The following NOPCHAP1 variants were observed in gnomAD, a reference collection of about 807,000 sequenced individuals.
The protein encoded by NOPCHAP1 is DNA damage-sensitive RNA 1.
In NOPCHAP1, 13 loss-of-function variants were observed where a neutral mutation model predicts 14.0. That is an observed-to-expected ratio of 0.93 (90% CI 0.60 to 1.47). NOPCHAP1 has a LOEUF of 1.47. NOPCHAP1 is among the 40% of genes most tolerant of loss of function. NOPCHAP1 has a pLI of 0.00. For synonymous variants in NOPCHAP1, 78 were observed against 78.4 expected, an observed-to-expected ratio of 1.00 and a Z score of 0.03; for missense variants, 230 against 226.9, an observed-to-expected ratio of 1.01 and a Z score of -0.09.
chr12:104,988,708 CTT>C (rs1361273463), intron 2 of NOPCHAP1, among the ~76,000 whole-genome samples: 4 of 152,116 alleles, frequency 2.6e-5, no homozygotes, highest in Non-Finnish European at 5.9e-5. Flanking sequence ...CACACTCAGA[CTT>C]TATTACACGA....
In NOPCHAP1 at chr12:105,005,107, A is replaced by G. The variant is rs897039169; in HGVS notation, c.*10411A>G. 5.9e-5 allele frequency: 9 copies of G among 152,060 alleles called. No individual in the cohort carries two copies. Among genetic ancestry groups the G allele is most frequent in the African/African-American group, 2.2e-4 (9 of 41,388 alleles). The allele number at this position is 152,060 out of a possible 1,614,324, so 9.4% of individuals were successfully genotyped here. On this transcript the variant is annotated 3_prime_UTR_variant, in exon 4 of 4. Coordinates refer to ENST00000552951, the MANE Select transcript of NOPCHAP1 (RefSeq NM_152318.3). ...GAAGAGGTATAGAAGAAGAAGGCAT[A>G]CTCATTGTAACTTTATGGAAATACA...
In NOPCHAP1 at chr12:105,004,948, A is replaced by G. The variant is rs187145186; in HGVS notation, c.*10252A>G. 4.1e-4 allele frequency: 62 copies of G among 152,346 alleles called. No homozygotes were observed. The highest frequency in any genetic ancestry group is 1.4e-3 in the African/African-American group (60 of 41,574). 9.4% of individuals were successfully genotyped at this position (152,346 alleles called of 1,614,324 possible). ...AGTAAGCTACGGAAAAGAAAATATC[A>G]CTAAGGAAATCAGGAAGAGAAATAT... On this transcript the variant is annotated 3_prime_UTR_variant, in exon 4 of 4. Coordinates refer to ENST00000552951, the MANE Select transcript of NOPCHAP1 (RefSeq NM_152318.3).
At chr12:104,987,281 A>G (rs1043610681) in intron 1 of NOPCHAP1, among the ~76,000 whole-genome samples, 70 of 152,314 alleles carry the variant, frequency 4.6e-4, no homozygotes, top group African/African-American at 1.5e-3. Context: ...CCTCACAACA[A>G]CCCTTTGCAG....
Position 105,012,901 on chromosome 12 carries a change from C to T in NOPCHAP1, c.*18205C>T, listed in dbSNP as rs1873861768. 6.6e-6 allele frequency: 1 copy of T among 152,360 alleles called. No homozygotes were observed. Among genetic ancestry groups the T allele is most frequent in the Non-Finnish European group, 1.5e-5 (1 of 68,180 alleles). The allele number at this position is 152,360 out of a possible 1,614,324, so 9.4% of individuals were successfully genotyped here. A position where few individuals can be genotyped will look rare whatever the true frequency, so the allele number is the denominator to read the frequency against. ...CCCGCTAGATGCCAGCTGGAGATCTCCTGTGTGAGGTTTCTGTCAACCTCT... is the reference window on the plus strand; with the variant it reads ...CCCGCTAGATGCCAGCTGGAGATCTTCTGTGTGAGGTTTCTGTCAACCTCT... On this transcript the variant is annotated 3_prime_UTR_variant, in exon 4 of 4. Coordinates refer to ENST00000552951, the MANE Select transcript of NOPCHAP1 (RefSeq NM_152318.3).
At chr12:104,991,879 T>C (rs556385712) in intron 3 of NOPCHAP1, 31 bp downstream of exon 3, 1 of 1,573,768 alleles carries the variant, frequency 6.4e-7, no homozygotes, top group South Asian at 1.2e-5. Context: ...TATGGTGAAA[T>C]TACTGGTCTG....
intron 3 of NOPCHAP1, among the ~76,000 whole-genome samples, chr12:104,992,652 G>A (rs147908923): frequency 1.8e-4 from 28 of 152,272 alleles, no homozygotes; most frequent in East Asian, 1.7e-3. Flanking sequence ...GAAGCAGGTC[G>A]CACAGCAGGA....
rs1293546788 is a variant in NOPCHAP1 at position 104,998,298 on chromosome 12, C to G, written c.*3602C>G. On this transcript the variant is annotated 3_prime_UTR_variant, in exon 4 of 4. Coordinates refer to ENST00000552951, the MANE Select transcript of NOPCHAP1 (RefSeq NM_152318.3). ...GCTTTTGTCAGTTTTTGCACTGATT[C>G]TTTTTTATCTTTGTGGGCTCATGTC... 2.0e-5 allele frequency: 3 copies of G among 152,134 alleles called. No individual in the cohort carries two copies. Among genetic ancestry groups the G allele is most frequent in the African/African-American group, 7.2e-5 (3 of 41,424 alleles). The allele number at this position is 152,134 out of a possible 1,614,324, so 9.4% of individuals were successfully genotyped here.
At chr12:104,987,708 C>T (rs1873271487) in intron 1 of NOPCHAP1, among the ~76,000 whole-genome samples, 1 of 152,124 alleles carries the variant, frequency 6.6e-6, no homozygotes, top group African/African-American at 2.4e-5. Flanking sequence ...TTGGGTTGAA[C>T]GTCTTCAGGG....
chr12:104,991,785 T>C lies in NOPCHAP1; in HGVS notation c.276T>C (p.Ala92=). The change falls in exon 3 of 4, where the codon GCT becomes GCC. Residue 92 remains alanine (A), a synonymous_variant. Transcript: ENST00000552951. ...AAAAGCTAAGAAAAGAAATGGCAGC[T>C]GCACCACCTGGTCGTTTCAATATTG... ...ANEKLRKEMA[A]APPGRFNIEN... is the part of the protein sequence containing the mutation. The C allele has an allele frequency of 6.2e-7, 1 of 1,613,726 alleles. No individual in the cohort carries two copies. Among genetic ancestry groups the C allele is most frequent in the Middle Eastern group, 1.7e-4 (1 of 6,060 alleles).
At chr12:104,987,699 T>C (rs1316676937) in intron 1 of NOPCHAP1, among the ~76,000 whole-genome samples, 2 of 152,148 alleles carry the variant, frequency 1.3e-5, no homozygotes, top group East Asian at 3.8e-4. Context: ...CTGCTTTCCT[T>C]GGGTTGAACG....
rs1044781431 is a variant in NOPCHAP1, at chr12:105,012,057, T to C, written c.*17361T>C. 2.0e-5 allele frequency: 3 copies of C among 152,240 alleles called. No individual in the cohort carries two copies. Among genetic ancestry groups the C allele is most frequent in the African/African-American group, 7.2e-5 (3 of 41,452 alleles). 9.4% of individuals were successfully genotyped at this position (152,240 alleles called of 1,614,324 possible). A position where few individuals can be genotyped will look rare whatever the true frequency, so the allele number is the denominator to read the frequency against. On this transcript the variant is annotated 3_prime_UTR_variant, in exon 4 of 4. Transcript: ENST00000552951. ...GGCCTGTCTTGCTAGGTTGGGGAAG[T>C]TCTCGTGGATAATATCCTGAAGAGT... is the stretch of plus-strand genomic sequence containing the variant.
chr12:104,997,300 A>C lies in NOPCHAP1; in HGVS notation c.*2604A>C, dbSNP rs1336719442. On this transcript the variant is annotated 3_prime_UTR_variant, in exon 4 of 4. Transcript: ENST00000552951. ...AGATCTGATGTTAACAAATTCCCTT[A>C]GCATTTGCCTGTCTGAAAAGGATCT... 1 of 152,182 alleles carries C rather than the reference A, an allele frequency of 6.6e-6. No individual in the cohort carries two copies. The highest frequency in any genetic ancestry group is 1.5e-5 in the Non-Finnish European group (1 of 68,042). 9.4% of individuals were successfully genotyped at this position (152,182 alleles called of 1,614,324 possible).
At position 105,001,891 on chromosome 12, in the gene NOPCHAP1, T is replaced by G. The variant is rs1873617904; in HGVS notation, c.*7195T>G. 6.6e-6 allele frequency: 1 copy of G among 152,214 alleles called. No individual in the cohort carries two copies. Among genetic ancestry groups the G allele is most frequent in the South Asian group, 2.1e-4 (1 of 4,824 alleles). 9.4% of individuals were successfully genotyped at this position (152,214 alleles called of 1,614,324 possible). A position where few individuals can be genotyped will look rare whatever the true frequency, so the allele number is the denominator to read the frequency against. On this transcript the variant is annotated 3_prime_UTR_variant, in exon 4 of 4. Coordinates refer to ENST00000552951, the MANE Select transcript of NOPCHAP1 (RefSeq NM_152318.3). ...TTTTGTTTTTCCATGTTTATTTCTT[T>G]TCTTTTTTTAATAGTACTTTGAGTT...
At position 105,004,872 on chromosome 12, in the gene NOPCHAP1, T is replaced by TAA. The variant is rs949305018; in HGVS notation, c.*10177_*10178dup. The TAA allele has an allele frequency of 6.6e-6, 1 of 152,200 alleles. No homozygotes were observed. The highest frequency in any genetic ancestry group is 2.4e-5 in the African/African-American group (1 of 41,450). The allele number at this position is 152,200 out of a possible 1,614,324, so 9.4% of individuals were successfully genotyped here. A position where few individuals can be genotyped will look rare whatever the true frequency, so the allele number is the denominator to read the frequency against. ...GAAGCCTTAGTGAAACATAAATAGT[T>TAA]AACACATATTGTATATGTTATATGT... On this transcript the variant is annotated 3_prime_UTR_variant, in exon 4 of 4. Coordinates refer to ENST00000552951, the MANE Select transcript of NOPCHAP1 (RefSeq NM_152318.3).
rs1019196859 is a variant in NOPCHAP1, at chr12:105,014,170, C to A, written c.*19474C>A. The A allele has an allele frequency of 2.0e-5, 3 of 152,158 alleles. No individual in the cohort carries two copies. In the East Asian group the frequency reaches 5.8e-4, roughly 29 times the overall value. 9.4% of individuals were successfully genotyped at this position (152,158 alleles called of 1,614,324 possible). A position where few individuals can be genotyped will look rare whatever the true frequency, so the allele number is the denominator to read the frequency against. Reference sequence around the variant, plus strand: ...AATTTTATGCAGTTATGATTTAATACTGTGTCTTTGCATTTGTTTGTATTT... The same window carrying A: ...AATTTTATGCAGTTATGATTTAATAATGTGTCTTTGCATTTGTTTGTATTT... On this transcript the variant is annotated 3_prime_UTR_variant, in exon 4 of 4. Transcript: ENST00000552951.
In NOPCHAP1 at chr12:105,000,607, A is replaced by G. The variant is rs1384408544; in HGVS notation, c.*5911A>G. ...ATCCATGATCAAATTCTTACCACCC[A>G]TACTGCAGCAAAAGTCTTGAGGGTC... On this transcript the variant is annotated 3_prime_UTR_variant, in exon 4 of 4. Transcript: ENST00000552951. The G allele has an allele frequency of 2.0e-5, 3 of 152,144 alleles. No homozygotes were observed. The allele number at this position is 152,144 out of a possible 1,614,324, so 9.4% of individuals were successfully genotyped here.
chr12:104,992,750 C>T, intron 3 of NOPCHAP1, among the ~76,000 whole-genome samples: 1 of 152,112 alleles, frequency 6.6e-6, no homozygotes, highest in East Asian at 1.9e-4. Flanking sequence ...GGAGCGTGAA[C>T]CCTATTATGA....
At position 105,015,376 on chromosome 12, in the gene NOPCHAP1, T is replaced by C. The variant is rs1873925642; in HGVS notation, c.*20680T>C. 1 of 152,212 alleles carries C rather than the reference T, an allele frequency of 6.6e-6. No homozygotes were observed. The highest frequency in any genetic ancestry group is 1.5e-5 in the Non-Finnish European group (1 of 68,042). 9.4% of individuals were successfully genotyped at this position (152,212 alleles called of 1,614,324 possible). On this transcript the variant is annotated 3_prime_UTR_variant, in exon 4 of 4. Coordinates refer to ENST00000552951, the MANE Select transcript of NOPCHAP1 (RefSeq NM_152318.3). ...AATGATAATAAATGGATTAAATGGATGCATGAAGGTATACAGGAGACTTTA... is the reference window on the plus strand; with the variant it reads ...AATGATAATAAATGGATTAAATGGACGCATGAAGGTATACAGGAGACTTTA...
At chr12:104,987,066 C>T (rs1312778785) in intron 1 of NOPCHAP1, among the ~76,000 whole-genome samples, 2 of 152,176 alleles carry the variant, frequency 1.3e-5, no homozygotes, top group African/African-American at 2.4e-5. Context: ...TCAGTTTTTG[C>T]ATTTGGAAAA....
Sources: allele counts gnomAD v4.1 joint callset (sites outside exome capture counted in the v4.1 genomes callset), GRCh38; gene constraint gnomAD v4.1.1; transcripts MANE v1.5; gene names NCBI Gene and HGNC (gene_info 2026-07-23, HGNC 2026-07-21).